The following GLG1 variants were observed in gnomAD, a reference collection of about 807,000 sequenced individuals.
GLG1 encodes the protein golgi glycoprotein 1.
Under a neutral mutation model 160.5 loss-of-function variants are expected in GLG1, and 38 were observed. That is an observed-to-expected ratio of 0.24 (90% confidence interval 0.18 to 0.31). GLG1 has a LOEUF of 0.31. Ranked by LOEUF, GLG1 falls within the 10% of genes least tolerant of loss-of-function variation. GLG1 has a pLI of 1.00. For synonymous variants in GLG1, 644 were observed against 543.4 expected (o/e 1.19, Z -2.57); for missense variants, 1,373 against 1,505.2 (o/e 0.91, Z 1.45).
rs1262764213 is a variant in GLG1, at chr16:74,462,183, C to T, written c.2947G>A (p.Asp983Asn). 1 of 1,587,160 alleles carries T rather than the reference C, an allele frequency of 6.3e-7. No individual in the cohort carries two copies. The highest frequency in any genetic ancestry group is 8.7e-7 in the Non-Finnish European group (1 of 1,155,878). The change falls in exon 22 of 26, where the codon GAC (aspartate) becomes AAC (asparagine). Residue 983 changes from aspartate (D) to asparagine (N), a missense_variant. Coordinates refer to ENST00000422840, the MANE Select transcript of GLG1 (RefSeq NM_001145667.2). ...ATGATTCGGATCTGGTCTTCACAGTCTGAAGACAGGCGCTGCATGTGACAA... is the reference window on the plus strand; with the variant it reads ...ATGATTCGGATCTGGTCTTCACAGTTTGAAGACAGGCGCTGCATGTGACAA... ...LRYADQRLSS[D>N]CEDQIRIIIQ... is the part of the protein sequence containing the mutation.
chr16:74,467,505 G>A (rs1373791419), intron 18 of GLG1, among the ~76,000 whole-genome samples: 3 of 152,146 alleles, frequency 2.0e-5, no homozygotes, highest in African/African-American at 4.8e-5. Flanking sequence ...AGGCAGACAA[G>A]GTAGGGAAGG....
At chr16:74,535,235 T>A (rs2017656972) in intron 1 of GLG1, among the ~76,000 whole-genome samples, 1 of 152,220 alleles carries the variant, frequency 6.6e-6, no homozygotes, top group Non-Finnish European at 1.5e-5. Context: ...TCAAAGCCTT[T>A]AAATTAGAAC....
At chr16:74,518,399 G>A (rs8049225) in intron 2 of GLG1, among the ~76,000 whole-genome samples, 145,655 of 152,258 alleles carry the variant, frequency 0.96, 70,012 homozygotes, top group East Asian at 1. Flanking sequence ...ATCACCAGAT[G>A]TCTACCACCA....
intron 1 of GLG1, among the ~76,000 whole-genome samples, chr16:74,545,494 G>C (rs756678737): frequency 6.6e-6 from 1 of 152,114 alleles, no homozygotes; most frequent in Non-Finnish European, 1.5e-5. Context: ...ACTCCACCAA[G>C]TTTTCGAAGC....
chr16:74,484,290 G>A (rs1425455129), intron 9 of GLG1, among the ~76,000 whole-genome samples: 1 of 152,028 alleles, frequency 6.6e-6, no homozygotes, highest in African/African-American at 2.4e-5. Flanking sequence ...AAAGATTTTT[G>A]CAGAATGGGA....
Position 74,463,752 on chromosome 16 carries a change from T to TG in GLG1, c.2668-274_2668-273insC. 5 of 413,686 alleles carry TG rather than the reference T, an allele frequency of 1.2e-5. No homozygotes were observed. The East Asian group carries it at 1.5e-4, about 13-fold the overall frequency. 25.6% of individuals were successfully genotyped at this position (413,686 alleles called of 1,614,324 possible). ...TTTTTTTTGTTGTTGTTGTTGTTGTTTTAGCAGAGATGAGGTTTCACCATG... is the reference window on the plus strand; with the variant it reads ...TTTTTTTTGTTGTTGTTGTTGTTGTTGTTAGCAGAGATGAGGTTTCACCATG... On this transcript the variant is annotated intron_variant, in intron 19 of 25. Transcript: ENST00000422840.
In GLG1 at chr16:74,480,560, G is replaced by GT. The variant is rs977257775; in HGVS notation, c.1674-167dup. 6.3e-3 allele frequency among the ~76,000 whole-genome samples: 907 copies of GT among 144,860 alleles called. 4 individuals carry two copies. Among genetic ancestry groups the GT allele is most frequent in the Admixed American group, 8.2e-3 (118 of 14,424 alleles). On this transcript the variant is annotated intron_variant, in intron 10 of 25. Coordinates refer to ENST00000422840, the MANE Select transcript of GLG1 (RefSeq NM_001145667.2). Reference sequence around the variant, plus strand: ...GTATATTCCTGAATTTTGTTCTTTTGTTTTTTTTTTTTGACACAGGATCTC... The same window carrying GT: ...GTATATTCCTGAATTTTGTTCTTTTGTTTTTTTTTTTTTGACACAGGATCTC...
At chr16:74,560,588 C>G (rs1433648099) in intron 1 of GLG1, among the ~76,000 whole-genome samples, 1 of 152,186 alleles carries the variant, frequency 6.6e-6, no homozygotes, top group Non-Finnish European at 1.5e-5. Flanking sequence ...GATCTGCCTG[C>G]CTCAGCCTAC....
chr16:74,463,456 A>G lies in GLG1; in HGVS notation c.2691T>C (p.Ser897=). 1 of 1,614,008 alleles carries G rather than the reference A, an allele frequency of 6.2e-7. No homozygotes were observed. The highest frequency in any genetic ancestry group is 8.5e-7 in the Non-Finnish European group (1 of 1,179,816). Reference sequence around the variant, plus strand: ...GCTTCAAGCACTGCAACATGGTTTTAGAATCTGCTTCCGGACAGAACCTCT... The same window carrying G: ...GCTTCAAGCACTGCAACATGGTTTTGGAATCTGCTTCCGGACAGAACCTCT... ...MIKRFCPEAD[S]KTMLQCLKQN... is the part of the protein sequence containing the mutation. Residue 897 remains serine (S), a synonymous_variant, in exon 20 of 26, where the codon TCT becomes TCC. Coordinates refer to ENST00000422840, the MANE Select transcript of GLG1 (RefSeq NM_001145667.2).
intron 1 of GLG1, among the ~76,000 whole-genome samples, chr16:74,588,716 G>A (rs1440256384): frequency 6.6e-6 from 1 of 151,982 alleles, no homozygotes; most frequent in Non-Finnish European, 1.5e-5. Context: ...ACCACACTTG[G>A]CCTGTTCTTA....
rs370410469 is a variant in GLG1, at chr16:74,573,777, C to G, written c.438+32880G>C. ...AGCTGGGATTACATGTGTGAGCCACCTGGCCCAGCCTATCTAGCGTCTTTT... is the reference window on the plus strand; with the variant it reads ...AGCTGGGATTACATGTGTGAGCCACGTGGCCCAGCCTATCTAGCGTCTTTT... On this transcript the variant is annotated intron_variant, in intron 1 of 25. Transcript: ENST00000422840. 6.2e-3 allele frequency among the ~76,000 whole-genome samples: 934 copies of G among 151,004 alleles called. 3 individuals carry two copies. The highest frequency in any genetic ancestry group is 0.024 in the Middle Eastern group (7 of 294).
chr16:74,458,169 G>A lies in GLG1; in HGVS notation c.3145-175C>T, dbSNP rs2014636368. ...GATGTACAGAATGCAGAATTTAATT[G>A]AGTAACTAACTACTTTTAGGGATAC... On this transcript the variant is annotated intron_variant, in intron 23 of 25. Coordinates refer to ENST00000422840, the MANE Select transcript of GLG1 (RefSeq NM_001145667.2). 7.4e-6 allele frequency: 4 copies of A among 537,120 alleles called. No homozygotes were observed. In the South Asian group the frequency reaches 1.2e-4, roughly 16 times the overall value. 33.3% of individuals were successfully genotyped at this position (537,120 alleles called of 1,614,324 possible).
intron 8 of GLG1, among the ~76,000 whole-genome samples, chr16:74,490,366 C>T (rs182702818): frequency 7.9e-5 from 12 of 152,294 alleles, no homozygotes; most frequent in Admixed American, 5.9e-4. Context: ...CCATGGCACA[C>T]GTTTACCCAT....
At chr16:74,567,178 G>A (rs944942205) in intron 1 of GLG1, among the ~76,000 whole-genome samples, 2 of 151,694 alleles carry the variant, frequency 1.3e-5, no homozygotes, top group Non-Finnish European at 2.9e-5. Context: ...TGTGTGTTGT[G>A]TGTGGGGGGT....
At chr16:74,574,171 T>A (rs1165809198) in intron 1 of GLG1, among the ~76,000 whole-genome samples, 1 of 152,180 alleles carries the variant, frequency 6.6e-6, no homozygotes, top group Admixed American at 6.5e-5. Context: ...TTGGTGAAGA[T>A]GAAGTGGAAA....
At chr16:74,533,332 A>C (rs953438154) in intron 1 of GLG1, among the ~76,000 whole-genome samples, 6 of 152,190 alleles carry the variant, frequency 3.9e-5, no homozygotes, top group African/African-American at 1.4e-4. Flanking sequence ...AAAAACAAAA[A>C]ACAAAACAAA....
chr16:74,581,119 G>A (rs1213228998), intron 1 of GLG1, among the ~76,000 whole-genome samples: 4 of 152,154 alleles, frequency 2.6e-5, no homozygotes, highest in African/African-American at 9.7e-5. Context: ...ATTGCCATAT[G>A]ACCTAGTAAT....
At chr16:74,546,757 G>C (rs1170473739) in intron 1 of GLG1, among the ~76,000 whole-genome samples, 1 of 145,218 alleles carries the variant, frequency 6.9e-6, no homozygotes, top group Non-Finnish European at 1.5e-5. Context: ...AGAATCACTT[G>C]AACCTGGGAA....
chr16:74,558,045 G>A (rs2018400635), intron 1 of GLG1, among the ~76,000 whole-genome samples: 1 of 152,234 alleles, frequency 6.6e-6, no homozygotes, highest in South Asian at 2.1e-4. Flanking sequence ...TGAAACTGTA[G>A]GTAGTTAAAA....
Sources: gnomAD v4.1 joint callset for allele counts (sites outside exome capture counted in the v4.1 genomes callset) on GRCh38, gnomAD v4.1.1 for gene constraint, MANE v1.5 for transcripts, NCBI Gene and HGNC (gene_info 2026-07-23, HGNC 2026-07-21) for gene names.